The following LARP1B variants were observed in gnomAD, a reference collection of about 807,000 sequenced individuals.
The protein encoded by LARP1B is la-related protein 1B.
LARP1B carries 76 observed loss-of-function variants against 114.2 expected under a neutral mutation model. The observed-to-expected ratio is 0.67, with a 90% CI of 0.55 to 0.81. The LOEUF (loss-of-function observed/expected upper bound fraction) is 0.81. LARP1B is among the 30% of genes least tolerant of loss of function. The pLI, the probability that LARP1B is intolerant of heterozygous loss-of-function variation, is 0.00. For synonymous variants in LARP1B, 345 were observed against 348.0 expected, an observed-to-expected ratio of 0.99 and a Z score of 0.10; for missense variants, 1,014 against 1,075.8, an observed-to-expected ratio of 0.94 and a Z score of 0.80.
rs748095996 is a variant in LARP1B at position 128,206,441 on chromosome 4, T to C, written c.2323T>C (p.Cys775Arg). The C allele has an allele frequency of 1.2e-6, 2 of 1,602,834 alleles. No homozygotes were observed. Among genetic ancestry groups the C allele is most frequent in the South Asian group, 1.1e-5 (1 of 88,414 alleles). The change falls in exon 18 of 20, where the codon TGT becomes CGT. Residue 775 changes from cysteine (C) to arginine (R), a missense_variant. Coordinates refer to ENST00000326639, the MANE Select transcript of LARP1B (RefSeq NM_018078.4). ...AKENYRYGLE[C>R]LFRFYSYGLE... ...TTCTCTTTATAGGTATGGGTTAGAA[T>C]GTCTGTTCAGGTTTTATAGTTATGG...
chr4:128,209,765 A>T, intron 19 of LARP1B, 91 bp from the exon 20 acceptor site: 1 of 1,031,120 alleles, frequency 9.7e-7, no homozygotes, highest in Non-Finnish European at 1.5e-6. Context: ...TGTCCATTTA[A>T]CTTACTTTTT....
At chr4:128,095,621 T>C (rs544131443) in intron 7 of LARP1B, among the ~76,000 whole-genome samples, 1 of 151,898 alleles carries the variant, frequency 6.6e-6, no homozygotes, top group South Asian at 2.1e-4. Context: ...TAAAGGAAAA[T>C]TTGGATATTT....
chr4:128,108,843 T>C (rs1782982622), intron 9 of LARP1B: 1 of 980,680 alleles, frequency 1.0e-6, no homozygotes, highest in Non-Finnish European at 1.2e-6. Context: ...TCAGTCAAGT[T>C]GGTAATGCCT....
At chr4:128,158,121 A>G (rs1244619613) in intron 11 of LARP1B, among the ~76,000 whole-genome samples, 1 of 152,172 alleles carries the variant, frequency 6.6e-6, no homozygotes, top group African/African-American at 2.4e-5. Context: ...CTTAGAAGAT[A>G]TAATATTTCT....
At chr4:128,180,632 T>G (rs1459994353) in intron 15 of LARP1B, among the ~76,000 whole-genome samples, 3 of 152,192 alleles carry the variant, frequency 2.0e-5, no homozygotes, top group Non-Finnish European at 4.4e-5. Flanking sequence ...TCAACAACAA[T>G]GGAAAATGTT....
Position 128,193,281 on chromosome 4 carries a change from T to G in LARP1B, c.2004-6158T>G, listed in dbSNP as rs1752877606. ...AGTTTAGCACATTAAATCCTTCATA[T>G]ATATCTATTAAAAACTTTCTAAATG... On this transcript the variant is annotated intron_variant, in intron 15 of 19. Coordinates refer to ENST00000326639, the MANE Select transcript of LARP1B (RefSeq NM_018078.4). Among the ~76,000 whole-genome samples, 3 of 152,210 alleles carry G rather than the reference T, an allele frequency of 2.0e-5. No homozygotes were observed. The South Asian group carries it at 6.2e-4, about 31-fold the overall frequency.
intron 4 of LARP1B, 61 bp downstream of exon 4, chr4:128,078,023 T>C (rs1768679587): frequency 5.3e-6 from 6 of 1,134,276 alleles, no homozygotes. Flanking sequence ...AATGAGGAAT[T>C]ACATTTCATT....
exon 8 of LARP1B, chr4:128,222,399 C>G (rs1047241826): frequency 2.6e-5 from 12 of 456,520 alleles, no homozygotes; most frequent in African/African-American, 1.0e-4. Context: ...AGTTCCTAAG[C>G]AGGATATGAG....
chr4:128,102,555 A>G (rs958489280), intron 8 of LARP1B, among the ~76,000 whole-genome samples: 37 of 152,356 alleles, frequency 2.4e-4, no homozygotes, highest in African/African-American at 8.4e-4. Context: ...AAAATAATTT[A>G]GCTGATACCC....
chr4:128,159,199 T>G (rs1051144646), intron 11 of LARP1B, among the ~76,000 whole-genome samples: 3 of 150,664 alleles, frequency 2.0e-5, no homozygotes, highest in African/African-American at 4.9e-5. Context: ...AAAGGAAATA[T>G]GTTGTGTAAT....
At chr4:128,089,399 G>A (rs1774948815) in intron 5 of LARP1B, among the ~76,000 whole-genome samples, 1 of 152,108 alleles carries the variant, frequency 6.6e-6, no homozygotes, top group Non-Finnish European at 1.5e-5. Context: ...GCAGTGGCGA[G>A]GTCTCGGCTC....
chr4:128,187,503 C>T (rs745977494), intron 15 of LARP1B, among the ~76,000 whole-genome samples: 4 of 152,224 alleles, frequency 2.6e-5, no homozygotes, highest in Admixed American at 6.5e-5. Context: ...TACCCAAGGC[C>T]TATACCTCCA....
intron 11 of LARP1B, among the ~76,000 whole-genome samples, chr4:128,129,557 A>G (rs1192269163): frequency 6.6e-6 from 1 of 152,114 alleles, no homozygotes; most frequent in African/African-American, 2.4e-5. Flanking sequence ...GAGGCAAAAA[A>G]CACCTAAAAA....
chr4:128,216,562 T>G (rs1759489083), downstream of LARP1B, among the ~76,000 whole-genome samples: 1 of 149,462 alleles, frequency 6.7e-6, no homozygotes, highest in Admixed American at 6.7e-5. Flanking sequence ...CATAACGAAA[T>G]GAAGGCAGAA....
intron 11 of LARP1B, among the ~76,000 whole-genome samples, chr4:128,146,878 T>G (rs78744497): frequency 0.034 from 5,194 of 152,310 alleles, 280 homozygotes; most frequent in African/African-American, 0.11. Context: ...AACTTAAAAC[T>G]AGGTCCTAAA....
intron 16 of LARP1B, 86 bp from the exon 17 acceptor site, chr4:128,200,435 G>A (rs2150890680): frequency 1.1e-6 from 1 of 893,314 alleles, no homozygotes; most frequent in East Asian, 2.9e-5. Context: ...ATATGGTTGA[G>A]CTTTCTTCAT....
At chr4:128,107,031 C>G in intron 8 of LARP1B, 108 bp from the exon 9 acceptor site, 1 of 838,320 alleles carries the variant, frequency 1.2e-6, no homozygotes, top group Non-Finnish European at 1.9e-6. Flanking sequence ...AGAATCTTAA[C>G]TGCAAATTAG....
At chr4:128,128,990 G>A (rs948076520) in intron 11 of LARP1B, among the ~76,000 whole-genome samples, 4 of 151,422 alleles carry the variant, frequency 2.6e-5, no homozygotes, top group Non-Finnish European at 1.5e-5. Flanking sequence ...TGGTGAAACC[G>A]CGTCTCTATT....
At chr4:128,207,118 A>T (rs908262217) in intron 18 of LARP1B, 138 bp from the exon 19 acceptor site, 2 of 445,418 alleles carry the variant, frequency 4.5e-6, no homozygotes, top group African/African-American at 2.0e-5. Context: ...TGGTTAATTC[A>T]TTACATGTCT....
Sources: gnomAD v4.1 joint callset for allele counts (sites outside exome capture counted in the v4.1 genomes callset) on GRCh38, gnomAD v4.1.1 for gene constraint, MANE v1.5 for transcripts, NCBI Gene and HGNC (gene_info 2026-07-23, HGNC 2026-07-21) for gene names.